The following SV2C variants were observed in gnomAD, a reference collection of about 807,000 sequenced individuals.
SV2C encodes the protein solute carrier family 22 member B3.
Under a neutral mutation model 79.7 loss-of-function variants are expected in SV2C, and 49 were observed. The observed-to-expected ratio is 0.61, with a 90% CI of 0.49 to 0.78. The LOEUF (loss-of-function observed/expected upper bound fraction) is 0.78, where lower values mean the gene tolerates loss of function less well. Among genes scored for constraint, SV2C ranks in the 30% least tolerant of loss-of-function variants. The pLI is 0.00. For missense variants in SV2C, 833 were observed against 912.9 expected (o/e 0.91, Z 1.13); for synonymous variants, 334 against 333.2 (o/e 1.00, Z -0.03).
the SV2C span, chr5:75,911,765 C>T: frequency 8.1e-5 from 49 of 604,046 alleles, 1 homozygote; most frequent in South Asian, 4.7e-4. Flanking sequence ...GCTGACTCCT[C>T]GGAGGGCCAA....
intron 4 of SV2C, among the ~76,000 whole-genome samples, chr5:76,257,770 A>T (rs1290805462): frequency 6.7e-6 from 1 of 150,018 alleles, no homozygotes; most frequent in African/African-American, 2.5e-5. Context: ...TGTGTGGTAT[A>T]TGGGTGTATG....
chr5:76,080,145 G>T (rs1427035985), upstream of SV2C, among the ~76,000 whole-genome samples: 1 of 151,890 alleles, frequency 6.6e-6, no homozygotes, highest in Non-Finnish European at 1.5e-5. Context: ...GAAGTTCTTG[G>T]TGGTGTTTCT....
At chr5:76,196,108 A>G (rs185268516) in intron 3 of SV2C, among the ~76,000 whole-genome samples, 1 of 152,326 alleles carries the variant, frequency 6.6e-6, no homozygotes, top group African/African-American at 2.4e-5. Flanking sequence ...ACATCACCAC[A>G]ACCTACAAAG....
At chr5:76,279,790 T>TAG (rs1747127278) in intron 4 of SV2C, among the ~76,000 whole-genome samples, 1 of 152,060 alleles carries the variant, frequency 6.6e-6, no homozygotes, top group South Asian at 2.1e-4. Flanking sequence ...AGGTGTCAGA[T>TAG]AGAGATATGC....
the SV2C span, among the ~76,000 whole-genome samples, chr5:75,999,469 A>G: frequency 1.3e-5 from 2 of 151,732 alleles, no homozygotes; most frequent in South Asian, 4.2e-4. Flanking sequence ...AGGGTCTGCC[A>G]TGGGCAGGTT....
At chr5:76,251,420 C>T (rs1746114487) in intron 4 of SV2C, among the ~76,000 whole-genome samples, 1 of 152,072 alleles carries the variant, frequency 6.6e-6, no homozygotes, top group Non-Finnish European at 1.5e-5. Flanking sequence ...GGGGTGGCAG[C>T]TCATACCTGT....
the SV2C span, among the ~76,000 whole-genome samples, chr5:76,017,381 G>T: frequency 3.3e-5 from 5 of 152,026 alleles, no homozygotes; most frequent in African/African-American, 1.2e-4. Context: ...CCTCCTCCTG[G>T]GTTCAAGCGA....
At chr5:76,174,018 A>G in intron 2 of SV2C, 1 of 1,566,620 alleles carries the variant, frequency 6.4e-7, no homozygotes, top group South Asian at 1.1e-5. Flanking sequence ...GCAGTATCCA[A>G]GATTTCAAGC....
the SV2C span, among the ~76,000 whole-genome samples, chr5:76,049,024 A>AAGGAAAGAAAGAAAGAG: frequency 2.5e-5 from 3 of 120,520 alleles, no homozygotes; most frequent in Non-Finnish European, 3.5e-5. Context: ...AGAAAGAAAG[A>AAGGAAAGAAAGAAAGAG]AAAAGAAAAG....
chr5:75,912,081 T>C, the SV2C span, among the ~76,000 whole-genome samples: 3 of 152,160 alleles, frequency 2.0e-5, no homozygotes, highest in East Asian at 1.9e-4. Context: ...AAGAGAACAT[T>C]AGACTCAAGG....
the SV2C span, among the ~76,000 whole-genome samples, chr5:76,018,394 C>CA: frequency 6.6e-6 from 1 of 151,982 alleles, no homozygotes; most frequent in Non-Finnish European, 1.5e-5. Flanking sequence ...CTTCTAATTT[C>CA]AAAAAGTCTT....
chr5:76,029,647 T>C, the SV2C span, among the ~76,000 whole-genome samples: 1 of 152,246 alleles, frequency 6.6e-6, no homozygotes, highest in Non-Finnish European at 1.5e-5. Flanking sequence ...TTTACACTTA[T>C]TAGAAAGTCT....
chr5:76,265,638 T>C (rs999071064), intron 4 of SV2C, among the ~76,000 whole-genome samples: 1 of 152,152 alleles, frequency 6.6e-6, no homozygotes, highest in African/African-American at 2.4e-5. Flanking sequence ...GGTCTGTGGA[T>C]TGCAAAAACC....
intron 4 of SV2C, among the ~76,000 whole-genome samples, chr5:76,210,539 T>C (rs1233809134): frequency 6.6e-6 from 1 of 152,210 alleles, no homozygotes; most frequent in Non-Finnish European, 1.5e-5. Context: ...TCATGAGTTC[T>C]CCGCCTCACC....
At chr5:75,882,484 A>T in the SV2C span, among the ~76,000 whole-genome samples, 1 of 151,834 alleles carries the variant, frequency 6.6e-6, no homozygotes, top group Non-Finnish European at 1.5e-5. Context: ...GCATCATGCT[A>T]CCTGACTTCA....
chr5:75,979,671 G>C, the SV2C span, among the ~76,000 whole-genome samples: 1 of 151,882 alleles, frequency 6.6e-6, no homozygotes, highest in Non-Finnish European at 1.5e-5. Flanking sequence ...GAAGTTCTTT[G>C]AAACTAATGA....
At chr5:76,228,334 C>G (rs1745315933) in intron 4 of SV2C, among the ~76,000 whole-genome samples, 1 of 152,138 alleles carries the variant, frequency 6.6e-6, no homozygotes, top group South Asian at 2.1e-4. Flanking sequence ...TGAAGTGCGA[C>G]AGGGCAGAAG....
chr5:76,302,999 T>A (rs1440586986), intron 12 of SV2C, among the ~76,000 whole-genome samples: 2 of 152,200 alleles, frequency 1.3e-5, no homozygotes, highest in Non-Finnish European at 2.9e-5. Flanking sequence ...AGAGGTGTAT[T>A]CTGTGTGTGT....
At chr5:75,848,313 C>A in the SV2C span, among the ~76,000 whole-genome samples, 1 of 152,172 alleles carries the variant, frequency 6.6e-6, no homozygotes, top group Non-Finnish European at 1.5e-5. Context: ...ACCAAGAGGG[C>A]AGGGGAGTTA....
Sources: allele counts gnomAD v4.1 joint callset (sites outside exome capture counted in the v4.1 genomes callset), GRCh38; gene constraint gnomAD v4.1.1; transcripts MANE v1.5; gene names NCBI Gene and HGNC (gene_info 2026-07-23, HGNC 2026-07-21).